The following PLEKHG1 variants were observed in gnomAD, a reference collection of about 807,000 sequenced individuals.
The protein encoded by PLEKHG1 is pleckstrin homology and RhoGEF domain containing G1.
PLEKHG1 carries 44 observed loss-of-function variants against 100.8 expected under a neutral mutation model. The observed-to-expected ratio is 0.44, with a 90% CI of 0.34 to 0.56. The LOEUF (loss-of-function observed/expected upper bound fraction) is 0.56. PLEKHG1 is among the 20% of genes least tolerant of loss of function. The pLI is 0.01. For missense variants in PLEKHG1, 1,545 were observed against 1,720.9 expected, an observed-to-expected ratio of 0.90 and a Z score of 1.81; for synonymous variants, 640 against 662.5, an observed-to-expected ratio of 0.97 and a Z score of 0.52.
chr6:150,724,685 A>G (rs1453372207), intron 1 of PLEKHG1, among the ~76,000 whole-genome samples: 2 of 148,830 alleles, frequency 1.3e-5, no homozygotes, highest in South Asian at 2.1e-4. Context: ...TCAGCCTCCC[A>G]AGTAGCTGGG....
In PLEKHG1 at chr6:150,830,981, A is replaced by G. The variant is rs760417818; in HGVS notation, c.1870A>G (p.Thr624Ala). ...CAACACATGCCCTCCTGAAATAGGAACTAGTGACAGAACTAGGGAACTGCA... is the reference window on the plus strand; with the variant it reads ...CAACACATGCCCTCCTGAAATAGGAGCTAGTGACAGAACTAGGGAACTGCA... Residue 624 changes from threonine to alanine, a missense_variant, in exon 15 of 16, where the codon ACT becomes GCT. Transcript: ENST00000358517. The G allele has an allele frequency of 5.0e-6, 8 of 1,613,910 alleles. No individual in the cohort carries two copies. In the Admixed American group the frequency reaches 8.3e-5, roughly 17 times the overall value.
chr6:150,655,199 T>G (rs1210477885), intron 3 of PLEKHG1, among the ~76,000 whole-genome samples: 1 of 152,222 alleles, frequency 6.6e-6, no homozygotes, highest in African/African-American at 2.4e-5. Flanking sequence ...GTAAATTAGT[T>G]CAGCCATTGT....
intron 2 of PLEKHG1, among the ~76,000 whole-genome samples, chr6:150,647,782 T>A (rs1778563940): frequency 6.6e-6 from 1 of 152,176 alleles, no homozygotes; most frequent in Non-Finnish European, 1.5e-5. Flanking sequence ...GGCCAGACAA[T>A]CAAATATTCT....
At chr6:150,751,551 A>C (rs1783511640) in intron 2 of PLEKHG1, among the ~76,000 whole-genome samples, 1 of 152,250 alleles carries the variant, frequency 6.6e-6, no homozygotes, top group South Asian at 2.1e-4. Context: ...TAGATATTTC[A>C]AATGCCCAAC....
intron 7 of PLEKHG1, among the ~76,000 whole-genome samples, chr6:150,808,037 A>G (rs1003760256): frequency 2.6e-5 from 4 of 152,214 alleles, no homozygotes; most frequent in Non-Finnish European, 5.9e-5. Flanking sequence ...ATTACAGTCA[A>G]CAGTAATTTA....
At chr6:150,830,604 C>T (rs765542425) in exon 15 of PLEKHG1, 3 of 1,603,246 alleles carry the variant, frequency 1.9e-6, no homozygotes, top group East Asian at 4.5e-5. Context: ...GAAGGATCTC[C>T]CCAGCTGTCT....
At chr6:150,832,716 G>C (rs896967999) in intron 15 of PLEKHG1, among the ~76,000 whole-genome samples, 1 of 125,714 alleles carries the variant, frequency 8.0e-6, no homozygotes, top group Admixed American at 9.6e-5. Flanking sequence ...GGATCTCACT[G>C]TCACCCAGGC....
intron 2 of PLEKHG1, among the ~76,000 whole-genome samples, chr6:150,761,032 T>A (rs1252649964): frequency 6.6e-6 from 1 of 151,574 alleles, no homozygotes; most frequent in Non-Finnish European, 1.5e-5. Flanking sequence ...TTTATACACA[T>A]CCACATGAAG....
At chr6:150,712,323 G>A (rs1781270208) in intron 3 of PLEKHG1, among the ~76,000 whole-genome samples, 1 of 152,176 alleles carries the variant, frequency 6.6e-6, no homozygotes, top group Admixed American at 6.5e-5. Context: ...GGAGCGGAGT[G>A]TGCAGACCTT....
chr6:150,696,988 T>C (rs1780567062), intron 3 of PLEKHG1, among the ~76,000 whole-genome samples: 1 of 151,964 alleles, frequency 6.6e-6, no homozygotes, highest in Admixed American at 6.6e-5. Flanking sequence ...TCCCAGCTAC[T>C]TGGGAGGCTG....
intron 2 of PLEKHG1, among the ~76,000 whole-genome samples, chr6:150,739,641 T>C (rs1249237723): frequency 6.6e-6 from 1 of 150,786 alleles, no homozygotes; most frequent in Non-Finnish European, 1.5e-5. Flanking sequence ...GCATTCCAGC[T>C]GGAGCAACAG....
chr6:150,789,554 G>A (rs916155703), intron 4 of PLEKHG1, among the ~76,000 whole-genome samples: 1 of 152,222 alleles, frequency 6.6e-6, no homozygotes, highest in African/African-American at 2.4e-5. Context: ...TCGTGCAGAA[G>A]TCATGAGGTC....
chr6:150,728,407 A>G (rs1782065755), intron 1 of PLEKHG1, among the ~76,000 whole-genome samples: 2 of 152,012 alleles, frequency 1.3e-5, no homozygotes, highest in African/African-American at 4.8e-5. Context: ...CAGCCTGGGC[A>G]ACATAGAAAG....
At chr6:150,623,752 G>T (rs931668400) in intron 1 of PLEKHG1, among the ~76,000 whole-genome samples, 3 of 152,182 alleles carry the variant, frequency 2.0e-5, no homozygotes, top group Admixed American at 2.0e-4. Flanking sequence ...AGACCCACAC[G>T]TTTGTCATGT....
intron 1 of PLEKHG1, among the ~76,000 whole-genome samples, chr6:150,603,426 T>C (rs1027573077): frequency 3.3e-5 from 5 of 152,230 alleles, no homozygotes; most frequent in African/African-American, 1.2e-4. Context: ...CATCTTCAGC[T>C]TTATATTGTC....
intron 4 of PLEKHG1, among the ~76,000 whole-genome samples, chr6:150,792,567 A>G (rs1490463083): frequency 1.4e-5 from 2 of 145,394 alleles, no homozygotes; most frequent in East Asian, 2.1e-4. Flanking sequence ...CCAGCTACTC[A>G]GGAGGCTGAG....
Position 150,674,684 on chromosome 6 carries a change from C to CTCTCT in PLEKHG1, c.-99+23898_-99+23899insTCTCT, listed in dbSNP as rs1562427910. 3.2e-3 allele frequency among the ~76,000 whole-genome samples: 238 copies of CTCTCT among 73,290 alleles called. 8 individuals carry two copies. The highest frequency in any genetic ancestry group is 4.9e-3 in the South Asian group (10 of 2,050). The allele number at this position is 73,290 out of a possible 152,430, so 48.1% of individuals were successfully genotyped here. On this transcript the variant is annotated intron_variant, in intron 3 of 3. Transcript: ENST00000367326. ...CTCTCTCTCTCTCTCTCTCTCTCTC[C>CTCTCT]CCCCTCTTCTCTTCTTTCCATGGAG... is the stretch of plus-strand genomic sequence containing the variant.
At chr6:150,666,803 C>G (rs564361799) in intron 3 of PLEKHG1, among the ~76,000 whole-genome samples, 61 of 151,822 alleles carry the variant, frequency 4.0e-4, no homozygotes, top group African/African-American at 1.4e-3. Flanking sequence ...CTCTGTCGCC[C>G]AGGCTGGAGT....
chr6:150,833,065 T>A (rs1777041793), intron 15 of PLEKHG1, among the ~76,000 whole-genome samples: 1 of 144,082 alleles, frequency 6.9e-6, no homozygotes, highest in Admixed American at 6.9e-5. Flanking sequence ...TTTTTTGAGA[T>A]AGGGTCTGGC....
Sources: gnomAD v4.1 joint callset for allele counts (sites outside exome capture counted in the v4.1 genomes callset) on GRCh38, gnomAD v4.1.1 for gene constraint, MANE v1.5 for transcripts, NCBI Gene and HGNC (gene_info 2026-07-23, HGNC 2026-07-21) for gene names.